Variants in SAXO1 observed in about 807,000 individuals in gnomAD.
The protein encoded by SAXO1 is stabilizer of axonemal microtubules 1.
A neutral mutation model predicts 17.5 loss-of-function variants in SAXO1; 21 were observed. The observed-to-expected ratio is 1.20, with a 90% CI of 0.85 to 1.72. SAXO1 has a LOEUF of 1.72. SAXO1 is among the 40% of genes most tolerant of loss of function. SAXO1 has a pLI of 0.00. For synonymous variants in SAXO1, 274 were observed against 216.5 expected (o/e 1.27, Z -2.33); for missense variants, 843 against 596.0 (o/e 1.41, Z -4.32).
rs1354513945 is a variant in SAXO1, at chr9:19,032,910, G to A, written c.-2C>T. On this transcript the variant is annotated 5_prime_UTR_variant, in exon 1 of 4. Coordinates refer to ENST00000380534, the MANE Select transcript of SAXO1 (RefSeq NM_153707.4). ...TTCACAGATGCACTTCGTCTTCATAGGGGCGATCCTGAGGCCCTGACGTCC... is the reference window on the plus strand; with the variant it reads ...TTCACAGATGCACTTCGTCTTCATAAGGGCGATCCTGAGGCCCTGACGTCC... 1 of 1,608,946 alleles carries A rather than the reference G, an allele frequency of 6.2e-7. No homozygotes were observed.
chr9:19,016,578 TGG>T (rs1834984085), intron 1 of SAXO1, among the ~76,000 whole-genome samples: 1 of 151,900 alleles, frequency 6.6e-6, no homozygotes, highest in Non-Finnish European at 1.5e-5. Flanking sequence ...TTGTCAAAAG[TGG>T]GGTAGGTGCC....
At chr9:18,979,048 G>C (rs1000287385) in intron 1 of SAXO1, among the ~76,000 whole-genome samples, 6 of 152,094 alleles carry the variant, frequency 3.9e-5, no homozygotes, top group Admixed American at 1.3e-4. Context: ...CACAAATAAA[G>C]GTAAGGAAAC....
chr9:18,939,083 A>C (rs989975415), intron 3 of SAXO1, among the ~76,000 whole-genome samples: 15 of 152,020 alleles, frequency 9.9e-5, no homozygotes, highest in African/African-American at 3.4e-4. Flanking sequence ...TCATAAACCA[A>C]CAGGGCCCAC....
At chr9:19,046,241 G>A (rs1034965919) in intron 1 of SAXO1, among the ~76,000 whole-genome samples, 2 of 151,946 alleles carry the variant, frequency 1.3e-5, no homozygotes, top group African/African-American at 4.8e-5. Context: ...ATAATTTTAT[G>A]TTTTTAAAAA....
intron 1 of SAXO1, among the ~76,000 whole-genome samples, chr9:18,961,972 C>T (rs914815021): frequency 3.9e-5 from 6 of 152,176 alleles, no homozygotes; most frequent in African/African-American, 1.4e-4. Context: ...AAAAGCATTC[C>T]TATTTCTCTG....
chr9:19,048,842 T>G (rs1003765205), intron 1 of SAXO1, among the ~76,000 whole-genome samples: 1 of 152,158 alleles, frequency 6.6e-6, no homozygotes, highest in Admixed American at 6.5e-5. Context: ...AATTCTAAAG[T>G]CTGAGATTAC....
At chr9:18,952,849 G>T (rs543229887) in intron 1 of SAXO1, among the ~76,000 whole-genome samples, 1 of 152,222 alleles carries the variant, frequency 6.6e-6, no homozygotes, top group South Asian at 2.1e-4. Context: ...AGTGTACAAA[G>T]CTATGTATTT....
At position 19,033,090 on chromosome 9, in the gene SAXO1, G is replaced by GCTGGC; in HGVS notation, c.-187_-183dup. Reference sequence around the variant, plus strand: ...TCCTGTCGTCTGTTGCCCTCCTGGAGCTGGCCTAGCGCGAGGTAGCAGCAG... The same window carrying GCTGGC: ...TCCTGTCGTCTGTTGCCCTCCTGGAGCTGGCCTGGCCTAGCGCGAGGTAGCAGCAG... On this transcript the variant is annotated 5_prime_UTR_variant, in exon 1 of 4. Coordinates refer to ENST00000380534, the MANE Select transcript of SAXO1 (RefSeq NM_153707.4). 1 of 586,770 alleles carries GCTGGC rather than the reference G, an allele frequency of 1.7e-6. No homozygotes were observed. The highest frequency in any genetic ancestry group is 2.8e-5 in the South Asian group (1 of 35,334). The allele number at this position is 586,770 out of a possible 1,614,324, so 36.3% of individuals were successfully genotyped here.
intron 1 of SAXO1, among the ~76,000 whole-genome samples, chr9:19,018,087 G>C (rs1316816475): frequency 1.3e-5 from 2 of 151,792 alleles, no homozygotes; most frequent in Non-Finnish European, 2.9e-5. Context: ...AGGATCACTT[G>C]AGTCTGAGAG....
At chr9:18,947,233 T>A (rs1307167884) in intron 2 of SAXO1, among the ~76,000 whole-genome samples, 3 of 152,070 alleles carry the variant, frequency 2.0e-5, no homozygotes, top group Non-Finnish European at 2.9e-5. Context: ...GAACAAAAAA[T>A]ATATATATAA....
chr9:18,985,637 G>A (rs1833561662), intron 1 of SAXO1, among the ~76,000 whole-genome samples: 1 of 152,146 alleles, frequency 6.6e-6, no homozygotes, highest in African/African-American at 2.4e-5. Context: ...ACCTCACGAT[G>A]GAGCCCAAGG....
chr9:19,005,903 C>G (rs2130972209), intron 1 of SAXO1, among the ~76,000 whole-genome samples: 1 of 152,188 alleles, frequency 6.6e-6, no homozygotes, highest in South Asian at 2.1e-4. Flanking sequence ...ATTCCTACAA[C>G]CCATGAAAAA....
intron 1 of SAXO1, among the ~76,000 whole-genome samples, chr9:18,977,153 T>A (rs1833185078): frequency 2.6e-5 from 4 of 152,198 alleles, no homozygotes; most frequent in Admixed American, 6.5e-5. Flanking sequence ...CATGAGACAG[T>A]TATAATAAAT....
chr9:19,032,475 G>A (rs1419374150), intron 1 of SAXO1, among the ~76,000 whole-genome samples: 1 of 152,232 alleles, frequency 6.6e-6, no homozygotes, highest in African/African-American at 2.4e-5. Context: ...CTCTCTGAAT[G>A]AGAAATTCAG....
At chr9:18,977,267 A>G (rs1040910107) in intron 1 of SAXO1, among the ~76,000 whole-genome samples, 1 of 152,230 alleles carries the variant, frequency 6.6e-6, no homozygotes, top group Non-Finnish European at 1.5e-5. Context: ...TCAGATGCCA[A>G]TAGGAATTAA....
chr9:18,938,219 T>C (rs536167072), intron 3 of SAXO1, among the ~76,000 whole-genome samples: 11 of 152,214 alleles, frequency 7.2e-5, no homozygotes, highest in African/African-American at 2.4e-4. Context: ...AATTTTAACT[T>C]TGTCAGTAGG....
chr9:19,029,618 A>G (rs1835667467), intron 1 of SAXO1, among the ~76,000 whole-genome samples: 2 of 152,204 alleles, frequency 1.3e-5, no homozygotes, highest in African/African-American at 2.4e-5. Context: ...AAGACTTCCA[A>G]ATAATGAGAC....
chr9:19,033,071 C>G lies in SAXO1; in HGVS notation c.-163G>C. 1 of 654,032 alleles carries G rather than the reference C, an allele frequency of 1.5e-6. No individual in the cohort carries two copies. The allele number at this position is 654,032 out of a possible 1,614,324, so 40.5% of individuals were successfully genotyped here. On this transcript the variant is annotated 5_prime_UTR_variant, in exon 1 of 4. Coordinates refer to ENST00000380534, the MANE Select transcript of SAXO1 (RefSeq NM_153707.4). The stretch of plus-strand genomic sequence containing the variant: ...AAGTGGCCCTTTTGCAATGTCCTGT[C>G]GTCTGTTGCCCTCCTGGAGCTGGCC...
chr9:18,977,855 C>T (rs1833211093), intron 1 of SAXO1, among the ~76,000 whole-genome samples: 1 of 151,860 alleles, frequency 6.6e-6, no homozygotes, highest in Non-Finnish European at 1.5e-5. Flanking sequence ...ATTTACTTGG[C>T]ATGATGGAGC....
Sources: allele counts gnomAD v4.1 joint callset (sites outside exome capture counted in the v4.1 genomes callset), GRCh38; gene constraint gnomAD v4.1.1; transcripts MANE v1.5; gene names NCBI Gene and HGNC (gene_info 2026-07-23, HGNC 2026-07-21).